P2RY8: variants seen among roughly 807,000 people sequenced by gnomAD.
P2RY8 encodes S-geranylgeranyl-glutathione receptor P2RY8.
Under a neutral mutation model 10.0 loss-of-function variants are expected in P2RY8, and 6 were observed. The observed-to-expected ratio is 0.60, with a 90% CI of 0.33 to 1.19. P2RY8 has a LOEUF of 1.19. Among genes scored for constraint, P2RY8 ranks in the 50% most tolerant of loss-of-function variants. The pLI is 0.04. For synonymous variants in P2RY8, 276 were observed against 252.5 expected, an observed-to-expected ratio of 1.09 and a Z score of -0.88; for missense variants, 456 against 542.0, an observed-to-expected ratio of 0.84 and a Z score of 1.58.
At chrX:1,533,438 T>C (rs2149417844) in intron 1 of P2RY8, among the ~76,000 whole-genome samples, 1 of 144,232 alleles carries the variant, frequency 6.9e-6, no homozygotes, top group East Asian at 2.0e-4. Context: ...ATATATTTAT[T>C]ATTTAAATAT....
At chrX:1,527,037 G>A (rs2092444139) in intron 1 of P2RY8, among the ~76,000 whole-genome samples, 1 of 152,114 alleles carries the variant, frequency 6.6e-6, no homozygotes, top group South Asian at 2.1e-4. Context: ...GGGATTACAG[G>A]CGCCCACTAC....
chrX:1,527,751 T>C (rs1211226120), intron 1 of P2RY8, among the ~76,000 whole-genome samples: 1 of 152,060 alleles, frequency 6.6e-6, no homozygotes, highest in Non-Finnish European at 1.5e-5. Context: ...TCATCCACTC[T>C]TCATTCACCT....
chrX:1,491,095 G>A (rs2092043161), intron 1 of P2RY8, among the ~76,000 whole-genome samples: 1 of 151,430 alleles, frequency 6.6e-6, no homozygotes, highest in Non-Finnish European at 1.5e-5. Context: ...TGCAAATGTG[G>A]GGGGAATGAA....
chrX:1,528,604 GT>G (rs1247791256), intron 1 of P2RY8, among the ~76,000 whole-genome samples: 2 of 148,402 alleles, frequency 1.3e-5, no homozygotes, highest in East Asian at 3.8e-4. Context: ...CTTTGAATGA[GT>G]GTGGATTTGA....
In P2RY8 at chrX:1,465,469, C is replaced by A. The variant is rs768804693; in HGVS notation, c.*10G>T. The A allele has an allele frequency of 8.2e-6, 13 of 1,588,624 alleles. No homozygotes were observed. Among genetic ancestry groups the A allele is most frequent in the Non-Finnish European group, 1.1e-5 (13 of 1,168,366 alleles). The stretch of plus-strand genomic sequence containing the variant: ...TGCGCCCCCGGCTCTCCAAGCTGCG[C>A]CCCCGGGACTCAGAACACACTCTCC... On this transcript the variant is annotated 3_prime_UTR_variant, in exon 2 of 2. Coordinates refer to ENST00000381297, the MANE Select transcript of P2RY8 (RefSeq NM_178129.5).
chrX:1,481,813 G>A (rs1412610837), intron 1 of P2RY8, among the ~76,000 whole-genome samples: 1 of 152,178 alleles, frequency 6.6e-6, no homozygotes, highest in Non-Finnish European at 1.5e-5. Flanking sequence ...AGGCGTCAGG[G>A]GATAGAGGAC....
chrX:1,465,720 C>G lies in P2RY8; in HGVS notation c.839G>C (p.Cys280Ser). The G allele has an allele frequency of 6.2e-7, 1 of 1,613,734 alleles. No homozygotes were observed. Among genetic ancestry groups the G allele is most frequent in the Non-Finnish European group, 8.5e-7 (1 of 1,179,850 alleles). Residue 280 changes from cysteine (C) to serine (S), a missense_variant, in exon 2 of 2, where the codon TGT becomes TCT. By Grantham distance (112) the Cys-to-Ser change is moderately radical (BLOSUM62 -1). Coordinates refer to ENST00000381297, the MANE Select transcript of P2RY8 (RefSeq NM_178129.5). ...CAGACAGTTGTTGAGGCAGCTGAGA[C>G]ACAGCGTGAGCTTGTACACGTGGTA... is the stretch of plus-strand genomic sequence containing the variant. Reference protein sequence around the residue: ...SYYHVYKLTLCLSCLNNCLDP... With the variant: ...SYYHVYKLTLSLSCLNNCLDP...
chrX:1,484,746 A>AAAAAG (rs1556677398), intron 1 of P2RY8, among the ~76,000 whole-genome samples: 9 of 110,358 alleles, frequency 8.2e-5, no homozygotes, highest in African/African-American at 2.5e-4. Flanking sequence ...AAAAAAAAAA[A>AAAAAG]AAGAAGAAGA....
chrX:1,522,197 C>A (rs1254391923), intron 1 of P2RY8, among the ~76,000 whole-genome samples: 3 of 151,612 alleles, frequency 2.0e-5, no homozygotes, highest in Non-Finnish European at 4.4e-5. Context: ...TCAGGTGATC[C>A]ACCCGCCTCA....
intron 1 of P2RY8, among the ~76,000 whole-genome samples, chrX:1,468,762 TCTCCCCTCTCCCCTCTC>T (rs1569536429): frequency 0.12 from 47 of 406 alleles, 16 homozygotes; most frequent in African/African-American, 0.27. Context: ...CCCTCTCCCC[TCTCCCCTCTCCCCTCTC>T]CCTCTCCCCT....
At chrX:1,496,219 C>A (rs1351826468) in intron 1 of P2RY8, among the ~76,000 whole-genome samples, 1 of 152,168 alleles carries the variant, frequency 6.6e-6, no homozygotes, top group African/African-American at 2.4e-5. Flanking sequence ...GCTGAATGGA[C>A]GTCAACTTGG....
rs141267286 is a variant in P2RY8, at chrX:1,477,715, G to T, written c.-24-11133C>A. Among the ~76,000 whole-genome samples the T allele has an allele frequency of 3.5e-3, 539 of 152,300 alleles. 2 individuals carry two copies. The highest frequency in any genetic ancestry group is 0.013 in the African/African-American group (524 of 41,542). On this transcript the variant is annotated intron_variant, in intron 1 of 1. Transcript: ENST00000381297. ...TACACAGGATGGCCCCACCACAGAG[G>T]ATCATCTGGGCTGAAATGTCAGCAG...
At chrX:1,478,974 T>C (rs1156346302) in intron 1 of P2RY8, among the ~76,000 whole-genome samples, 3 of 152,112 alleles carry the variant, frequency 2.0e-5, no homozygotes, top group Non-Finnish European at 4.4e-5. Flanking sequence ...CACTTCCAGG[T>C]TCCCACATTC....
chrX:1,498,134 C>T (rs1195799478), intron 1 of P2RY8, among the ~76,000 whole-genome samples: 7 of 151,924 alleles, frequency 4.6e-5, no homozygotes, highest in South Asian at 2.1e-4. Flanking sequence ...AGGCCGGGCG[C>T]GGTGGCTCAC....
Position 1,465,709 on chromosome X carries a change from G to A in P2RY8, c.850C>T (p.Leu284Phe). The A allele has an allele frequency of 6.2e-7, 1 of 1,613,754 alleles. No individual in the cohort carries two copies. Among genetic ancestry groups the A allele is most frequent in the Non-Finnish European group, 8.5e-7 (1 of 1,179,846 alleles). The change falls in exon 2 of 2, where the codon CTC (leucine) becomes TTC (phenylalanine). Residue 284 changes from leucine (L) to phenylalanine (F), a missense_variant. By Grantham distance (22) the Leu-to-Phe change is conservative. Coordinates refer to ENST00000381297, the MANE Select transcript of P2RY8 (RefSeq NM_178129.5). ...VYKLTLCLSC[L>F]NNCLDPFVYY... ...ACAAACGGGTCCAGACAGTTGTTGA[G>A]GCAGCTGAGACACAGCGTGAGCTTG...
intron 1 of P2RY8, among the ~76,000 whole-genome samples, chrX:1,516,068 G>C (rs1310961481): frequency 2.0e-5 from 3 of 150,488 alleles, no homozygotes; most frequent in African/African-American, 7.3e-5. Context: ...GCGGTGGCAG[G>C]CACCTGTAAT....
At chrX:1,512,085 T>C (rs1264553900) in intron 1 of P2RY8, among the ~76,000 whole-genome samples, 1 of 152,070 alleles carries the variant, frequency 6.6e-6, no homozygotes, top group Non-Finnish European at 1.5e-5. Flanking sequence ...GGGGGTCTCC[T>C]GTCCAGGGTC....
chrX:1,463,171 T>C lies in P2RY8; in HGVS notation c.*2308A>G, dbSNP rs1342267203. The C allele has an allele frequency of 4.3e-6, 1 of 232,350 alleles. No individual in the cohort carries two copies. Among genetic ancestry groups the C allele is most frequent in the Admixed American group, 5.7e-5 (1 of 17,686 alleles). The allele number at this position is 232,350 out of a possible 1,614,324, so 14.4% of individuals were successfully genotyped here. ...GATGCTACTCTGAGGTTTTTCACAG[T>C]TTTTTTTCCCCCATGAGACACACCC... On this transcript the variant is annotated 3_prime_UTR_variant, in exon 2 of 2. Coordinates refer to ENST00000381297, the MANE Select transcript of P2RY8 (RefSeq NM_178129.5).
chrX:1,484,633 C>T (rs1165180002), intron 1 of P2RY8, among the ~76,000 whole-genome samples: 14 of 144,030 alleles, frequency 9.7e-5, no homozygotes, highest in African/African-American at 3.1e-4. Flanking sequence ...GAGGCTGAGA[C>T]GGGAGAATTG....
Sources: gnomAD v4.1 joint callset for allele counts (sites outside exome capture counted in the v4.1 genomes callset) on GRCh38, gnomAD v4.1.1 for gene constraint, MANE v1.5 for transcripts, NCBI Gene and HGNC (gene_info 2026-07-23, HGNC 2026-07-21) for gene names.